The following ARHGAP26 variants were observed in gnomAD, a reference collection of about 807,000 sequenced individuals.
ARHGAP26 encodes rho GTPase-activating protein 26.
A neutral mutation model predicts 104.8 loss-of-function variants in ARHGAP26; 38 were observed. That is an observed-to-expected ratio of 0.36 (90% CI 0.28 to 0.48). The LOEUF (loss-of-function observed/expected upper bound fraction) is 0.48, where lower values mean the gene tolerates loss of function less well. ARHGAP26 is among the 20% of genes least tolerant of loss of function. The pLI is 0.99. For synonymous variants in ARHGAP26, 341 were observed against 340.0 expected (o/e 1.00, Z -0.03); for missense variants, 704 against 947.9 (o/e 0.74, Z 3.38).
intron 20 of ARHGAP26, chr5:143,168,775 A>G (rs980752387): frequency 5.3e-5 from 8 of 152,132 alleles, no homozygotes; most frequent in Non-Finnish European, 7.4e-5. Flanking sequence ...CAATCAGGAT[A>G]GACCAGATTC....
At chr5:143,181,190 C>T (rs1455510190) in intron 20 of ARHGAP26, among the ~76,000 whole-genome samples, 3 of 152,224 alleles carry the variant, frequency 2.0e-5, no homozygotes, top group Non-Finnish European at 4.4e-5. Flanking sequence ...CAAGCTTGAA[C>T]ACAGCACTCT....
chr5:143,180,213 C>T (rs1480996758), intron 20 of ARHGAP26, among the ~76,000 whole-genome samples: 2 of 152,136 alleles, frequency 1.3e-5, no homozygotes, highest in African/African-American at 4.8e-5. Flanking sequence ...GCAACCTCCG[C>T]CTCCTGGGTT....
chr5:143,086,434 C>T (rs900059929), intron 17 of ARHGAP26, among the ~76,000 whole-genome samples: 1 of 149,662 alleles, frequency 6.7e-6, no homozygotes, highest in South Asian at 2.1e-4. Flanking sequence ...GTTGCTTCAA[C>T]GAGCCATAAA....
chr5:143,064,982 A>G (rs542463494), intron 17 of ARHGAP26, among the ~76,000 whole-genome samples: 17 of 152,154 alleles, frequency 1.1e-4, no homozygotes, highest in South Asian at 8.3e-4. Flanking sequence ...TGTTCCACTT[A>G]TGTTTGGATT....
At chr5:142,819,629 C>G (rs1187009547) in intron 1 of ARHGAP26, among the ~76,000 whole-genome samples, 1 of 152,120 alleles carries the variant, frequency 6.6e-6, no homozygotes, top group Non-Finnish European at 1.5e-5. Context: ...GAAGAGTAGT[C>G]ATATATAGGT....
At chr5:143,217,297 A>G (rs1810480852) in intron 22 of ARHGAP26, among the ~76,000 whole-genome samples, 1 of 152,176 alleles carries the variant, frequency 6.6e-6, no homozygotes, top group Non-Finnish European at 1.5e-5. Context: ...CTGTCAGCTC[A>G]TGGGCTTTGT....
intron 20 of ARHGAP26, among the ~76,000 whole-genome samples, chr5:143,149,390 AGCGTCTGCCATGGC>A (rs1799544139): frequency 6.6e-6 from 1 of 152,104 alleles, no homozygotes; most frequent in African/African-American, 2.4e-5. Flanking sequence ...CCCTGATACC[AGCGTCTGCCATGGC>A]CCTGAGTGAG....
chr5:142,977,093 G>T (rs749570461), intron 11 of ARHGAP26, among the ~76,000 whole-genome samples: 1 of 152,218 alleles, frequency 6.6e-6, no homozygotes, highest in Non-Finnish European at 1.5e-5. Flanking sequence ...CAACCACACA[G>T]ACAGAGCTGA....
intron 1 of ARHGAP26, among the ~76,000 whole-genome samples, chr5:142,795,623 A>G (rs1346910820): frequency 6.6e-6 from 1 of 152,182 alleles, no homozygotes; most frequent in Admixed American, 6.5e-5. Flanking sequence ...TCCAGCCCCA[A>G]ATTCCCTCCG....
At chr5:142,878,563 ATGTGTAG>A (rs1756474565) in intron 3 of ARHGAP26, among the ~76,000 whole-genome samples, 1 of 151,880 alleles carries the variant, frequency 6.6e-6, no homozygotes, top group South Asian at 2.1e-4. Flanking sequence ...GTGTGTATAA[ATGTGTAG>A]TGTGTAGTGG....
At chr5:142,805,080 T>C (rs1483627144) in intron 1 of ARHGAP26, among the ~76,000 whole-genome samples, 11 of 152,040 alleles carry the variant, frequency 7.2e-5, no homozygotes, top group Admixed American at 7.2e-4. Flanking sequence ...CATTTTCTTT[T>C]TCTTTTTCTT....
At chr5:142,878,921 G>C (rs1756525645) in intron 3 of ARHGAP26, among the ~76,000 whole-genome samples, 1 of 152,112 alleles carries the variant, frequency 6.6e-6, no homozygotes, top group African/African-American at 2.4e-5. Flanking sequence ...ACAAAATCAA[G>C]CTTGGAAGGT....
intron 22 of ARHGAP26, among the ~76,000 whole-genome samples, chr5:143,220,854 C>T (rs993421933): frequency 6.6e-6 from 1 of 152,162 alleles, no homozygotes; most frequent in African/African-American, 2.4e-5. Context: ...CTTTTGCTGC[C>T]TCCCATTTGT....
intron 11 of ARHGAP26, among the ~76,000 whole-genome samples, chr5:142,954,537 G>C (rs980068667): frequency 6.6e-6 from 1 of 152,144 alleles, no homozygotes; most frequent in African/African-American, 2.4e-5. Flanking sequence ...AGAACACTCA[G>C]GTTCCTTGTT....
intron 20 of ARHGAP26, among the ~76,000 whole-genome samples, chr5:143,158,396 C>T (rs1800768519): frequency 6.6e-6 from 1 of 152,230 alleles, no homozygotes; most frequent in Non-Finnish European, 1.5e-5. Context: ...AAGCCCCCTA[C>T]CCTATTGTTC....
intron 1 of ARHGAP26, among the ~76,000 whole-genome samples, chr5:142,807,973 C>T (rs1188960836): frequency 2.0e-5 from 3 of 152,064 alleles, no homozygotes; most frequent in Non-Finnish European, 4.4e-5. Flanking sequence ...TGGTGGCTCA[C>T]GCCTGTAATC....
intron 1 of ARHGAP26, among the ~76,000 whole-genome samples, chr5:142,802,716 TGCACATACTAGG>T (rs939499215): frequency 3.9e-5 from 6 of 152,100 alleles, no homozygotes; most frequent in African/African-American, 1.4e-4. Flanking sequence ...TGAAATACAA[TGCACATACTAGG>T]GCACTGGAAA....
intron 9 of ARHGAP26, among the ~76,000 whole-genome samples, chr5:142,909,302 A>G (rs1761526963): frequency 6.6e-6 from 1 of 152,180 alleles, no homozygotes; most frequent in Non-Finnish European, 1.5e-5. Context: ...CTAGTCCTCT[A>G]CAAGCATTCC....
intron 20 of ARHGAP26, among the ~76,000 whole-genome samples, chr5:143,149,856 G>A (rs904547986): frequency 1.3e-5 from 2 of 152,106 alleles, no homozygotes; most frequent in Non-Finnish European, 2.9e-5. Flanking sequence ...GAAGCTATCT[G>A]TTCTTTTTAT....
Sources: allele counts gnomAD v4.1 joint callset (sites outside exome capture counted in the v4.1 genomes callset), GRCh38; gene constraint gnomAD v4.1.1; transcripts MANE v1.5; gene names NCBI Gene and HGNC (gene_info 2026-07-23, HGNC 2026-07-21).